Variants in POLDIP3 observed in about 807,000 individuals in gnomAD.
POLDIP3 encodes DNA polymerase delta interacting protein 3.
In POLDIP3, 14 loss-of-function variants were observed where a neutral mutation model predicts 45.1. The observed-to-expected ratio is 0.31, with a 90% CI of 0.20 to 0.49. The LOEUF is 0.49. Among genes scored for constraint, POLDIP3 ranks in the 20% least tolerant of loss-of-function variants. POLDIP3 has a pLI of 0.99. For missense variants in POLDIP3, 511 were observed against 538.8 expected, an observed-to-expected ratio of 0.95 and a Z score of 0.51; for synonymous variants, 223 against 205.2, an observed-to-expected ratio of 1.09 and a Z score of -0.74.
intron 8 of POLDIP3, 66 bp from the exon 9 acceptor site, chr22:42,586,034 C>A: frequency 6.9e-7 from 1 of 1,443,484 alleles, no homozygotes; most frequent in Non-Finnish European, 9.3e-7. Context: ...GGGGACCCAC[C>A]ATTTACTGGG....
intron 1 of POLDIP3, among the ~76,000 whole-genome samples, chr22:42,605,169 C>A (rs531582528): frequency 5.7e-4 from 87 of 152,338 alleles, no homozygotes; most frequent in African/African-American, 2.0e-3. Flanking sequence ...GCTCTGTCAT[C>A]CAGGCTGGAG....
At chr22:42,593,066 G>C (rs557346684) in intron 6 of POLDIP3, among the ~76,000 whole-genome samples, 1 of 152,310 alleles carries the variant, frequency 6.6e-6, no homozygotes, top group Admixed American at 6.5e-5. Flanking sequence ...GCTATAAAAT[G>C]CTGTAGTATT....
intron 3 of POLDIP3, among the ~76,000 whole-genome samples, chr22:42,601,531 G>A (rs1435153202): frequency 6.6e-6 from 1 of 152,116 alleles, no homozygotes; most frequent in African/African-American, 2.4e-5. Context: ...GGGAGGCTGA[G>A]GCGGGGGGAT....
In POLDIP3 at chr22:42,585,235, G is replaced by A. The variant is rs527315525; in HGVS notation, c.*556C>T. Reference sequence around the variant, plus strand: ...TAGTGAGGCCTGGAGCCACTGGGGAGAGGACAAGAGGCCTGAGACCTGCTC... The same window carrying A: ...TAGTGAGGCCTGGAGCCACTGGGGAAAGGACAAGAGGCCTGAGACCTGCTC... On this transcript the variant is annotated 3_prime_UTR_variant, in exon 9 of 9. Transcript: ENST00000252115. 4 of 515,798 alleles carry A rather than the reference G, an allele frequency of 7.8e-6. No individual in the cohort carries two copies. The highest frequency in any genetic ancestry group is 7.7e-5 in the African/African-American group (4 of 52,018). The allele number at this position is 515,798 out of a possible 1,614,324, so 32.0% of individuals were successfully genotyped here. A position where few individuals can be genotyped will look rare whatever the true frequency, so the allele number is the denominator to read the frequency against.
Position 42,602,889 on chromosome 22 carries a change from G to C in POLDIP3, c.331C>G (p.Pro111Ala). The C allele has an allele frequency of 1.2e-6, 2 of 1,613,792 alleles. No individual in the cohort carries two copies. Among genetic ancestry groups the C allele is most frequent in the Non-Finnish European group, 1.7e-6 (2 of 1,179,968 alleles). ...TCCCGGGCATCAGCAACCTGGCGGG[G>C]CTTCTGGGGCACCGTGGTCTGCTGC... ...RKQQTTVPQK[P>A]RQVADAREKI... The change falls in exon 2 of 9, where the codon CCC (proline) becomes GCC (alanine). Residue 111 changes from proline to alanine, a missense_variant. Pro to Ala is a conservative substitution (Grantham distance 27). Coordinates refer to ENST00000252115, the MANE Select transcript of POLDIP3 (RefSeq NM_032311.5).
chr22:42,604,324 G>C (rs1028522153), intron 1 of POLDIP3, among the ~76,000 whole-genome samples: 1 of 152,058 alleles, frequency 6.6e-6, no homozygotes, highest in African/African-American at 2.4e-5. Context: ...CTTTTGCAGG[G>C]CCCAGCACCT....
chr22:42,609,596 A>T (rs999548302), intron 1 of POLDIP3, among the ~76,000 whole-genome samples: 9 of 152,104 alleles, frequency 5.9e-5, no homozygotes, highest in African/African-American at 2.2e-4. Context: ...GGGGCCCTGG[A>T]TTATTATAAA....
chr22:42,601,500 C>T (rs926584999), intron 3 of POLDIP3, among the ~76,000 whole-genome samples: 15 of 152,000 alleles, frequency 9.9e-5, no homozygotes, highest in African/African-American at 3.6e-4. Flanking sequence ...TGGTGGCTCA[C>T]GCCTGTAATC....
intron 4 of POLDIP3, chr22:42,597,780 CTT>C (rs137103): frequency 0.022 from 8,320 of 378,214 alleles, 4 homozygotes; most frequent in Middle Eastern, 0.035. Flanking sequence ...TTCACGACCT[CTT>C]TTTTTTTTTT....
At chr22:42,602,663 A>G (rs1282009641) in intron 2 of POLDIP3, 107 bp downstream of exon 2, 6 of 1,308,258 alleles carry the variant, frequency 4.6e-6, no homozygotes, top group African/African-American at 1.5e-5. Context: ...GTATTATGCC[A>G]ACACTTGAGA....
At chr22:42,611,026 G>T (rs182576598) in intron 1 of POLDIP3, among the ~76,000 whole-genome samples, 1 of 152,316 alleles carries the variant, frequency 6.6e-6, no homozygotes. Flanking sequence ...GATGTGCTGT[G>T]GTGAGGAAAG....
rs996285072 is a variant in POLDIP3, at chr22:42,585,096, A to G, written c.*695T>C. ...TGGGGCATTCAGCACAACTCAAGGA[A>G]AAGGGAAAGGTGAACTCTGGAGAAC... On this transcript the variant is annotated 3_prime_UTR_variant, in exon 9 of 9. Coordinates refer to ENST00000252115, the MANE Select transcript of POLDIP3 (RefSeq NM_032311.5). 2.5e-5 allele frequency: 11 copies of G among 440,374 alleles called. No homozygotes were observed. Among genetic ancestry groups the G allele is most frequent in the African/African-American group, 1.6e-4 (8 of 49,206 alleles). 27.3% of individuals were successfully genotyped at this position (440,374 alleles called of 1,614,324 possible). A position where few individuals can be genotyped will look rare whatever the true frequency, so the allele number is the denominator to read the frequency against.
At position 42,602,022 on chromosome 22, in the gene POLDIP3, G is replaced by A; in HGVS notation, c.485C>T (p.Pro162Leu). ...PQQKAMAPLH[P>L]HPAGMRINVV... Reference sequence around the variant, plus strand: ...ATTGATTCTCATTCCGGCAGGATGGGGATGAAGTGGTGCCATGGCTTTCTG... The same window carrying A: ...ATTGATTCTCATTCCGGCAGGATGGAGATGAAGTGGTGCCATGGCTTTCTG... The change falls in exon 3 of 9, where the codon CCC becomes CTC. Residue 162 changes from proline to leucine, a missense_variant. By Grantham distance (98) the Pro-to-Leu change is moderately conservative. Coordinates refer to ENST00000252115, the MANE Select transcript of POLDIP3 (RefSeq NM_032311.5). 6.2e-7 allele frequency: 1 copy of A among 1,614,142 alleles called. No homozygotes were observed. The highest frequency in any genetic ancestry group is 8.5e-7 in the Non-Finnish European group (1 of 1,180,014).
chr22:42,602,146 C>CAT (rs1264057916), intron 2 of POLDIP3, 90 bp from the exon 3 acceptor site: 1 of 1,595,520 alleles, frequency 6.3e-7, no homozygotes, highest in Admixed American at 1.7e-5. Flanking sequence ...ACATGGTGGG[C>CAT]ATGCAGCTTT....
chr22:42,585,261 C>T lies in POLDIP3; in HGVS notation c.*530G>A. 1 of 515,938 alleles carries T rather than the reference C, an allele frequency of 1.9e-6. No individual in the cohort carries two copies. Among genetic ancestry groups the T allele is most frequent in the Non-Finnish European group, 3.9e-6 (1 of 258,718 alleles). 32.0% of individuals were successfully genotyped at this position (515,938 alleles called of 1,614,324 possible). ...AGGACAAGAGGCCTGAGACCTGCTC[C>T]CCACCCAGGCACCTCCACTGACAAG... On this transcript the variant is annotated 3_prime_UTR_variant, in exon 9 of 9. Coordinates refer to ENST00000252115, the MANE Select transcript of POLDIP3 (RefSeq NM_032311.5).
At chr22:42,607,110 C>T (rs923003184) in intron 1 of POLDIP3, among the ~76,000 whole-genome samples, 2 of 152,000 alleles carry the variant, frequency 1.3e-5, no homozygotes, top group African/African-American at 4.8e-5. Context: ...ACAAAAGATA[C>T]AAAAAAAATT....
At chr22:42,608,530 A>G (rs1295608707) in intron 1 of POLDIP3, among the ~76,000 whole-genome samples, 1 of 152,202 alleles carries the variant, frequency 6.6e-6, no homozygotes, top group South Asian at 2.1e-4. Flanking sequence ...ATGTTGTTAA[A>G]CCCTTAAAAA....
At chr22:42,604,907 G>A (rs958174249) in intron 1 of POLDIP3, among the ~76,000 whole-genome samples, 2 of 152,196 alleles carry the variant, frequency 1.3e-5, no homozygotes, top group African/African-American at 2.4e-5. Context: ...CCTTTGGGAA[G>A]TGATTAAGTC....
chr22:42,598,249 ATTTTT>A (rs34265457), intron 4 of POLDIP3, among the ~76,000 whole-genome samples: 3 of 90,852 alleles, frequency 3.3e-5, no homozygotes, highest in African/African-American at 9.2e-5. Context: ...CACCCCGGAT[ATTTTT>A]TTTTTTTTTT....
Sources: allele counts gnomAD v4.1 joint callset (sites outside exome capture counted in the v4.1 genomes callset), GRCh38; gene constraint gnomAD v4.1.1; transcripts MANE v1.5; gene names NCBI Gene and HGNC (gene_info 2026-07-23, HGNC 2026-07-21).